The following PCNT variants were observed in gnomAD, a reference collection of about 807,000 sequenced individuals.
PCNT encodes kendrin.
A neutral mutation model predicts 380.4 loss-of-function variants in PCNT; 319 were observed. That is an observed-to-expected ratio of 0.84 (90% confidence interval 0.77 to 0.92). The LOEUF is 0.92. Ranked by LOEUF, PCNT falls within the 40% of genes least tolerant of loss-of-function variation. The pLI, the probability that PCNT is intolerant of heterozygous loss-of-function variation, is 0.00. For missense variants in PCNT, 4,400 were observed against 4,255.3 expected (o/e 1.03, Z -0.95); for synonymous variants, 1,845 against 1,735.2 (o/e 1.06, Z -1.57).
chr21:46,388,741 G>A lies in PCNT; in HGVS notation c.3465-1G>A, dbSNP rs755084205. On this transcript the variant is annotated splice_acceptor_variant, in intron 17 of 46. Coordinates refer to ENST00000359568, the MANE Select transcript of PCNT (RefSeq NM_006031.6). LOFTEE classifies it high-confidence loss of function. The surrounding 1 kb of genome is among the most constrained non-coding windows in gnomAD (Gnocchi z 4.2). The stretch of plus-strand genomic sequence containing the variant: ...CTGATGATGGGTGTCTCCTGTCTCA[G>A]AGGGGCCCTCCAGGACGCCCTGCGC... 9 of 1,613,772 alleles carry A rather than the reference G, an allele frequency of 5.6e-6. No homozygotes were observed. The South Asian group carries it at 9.9e-5, about 18-fold the overall frequency.
At chr21:46,407,905 T>C (rs149379840) in intron 27 of PCNT, among the ~76,000 whole-genome samples, 143 of 152,350 alleles carry the variant, frequency 9.4e-4, no homozygotes, top group Middle Eastern at 3.4e-3. Context: ...TCCTTCTATT[T>C]ACCTTGGGTT....
chr21:46,433,166 G>C (rs2087838820), intron 38 of PCNT, among the ~76,000 whole-genome samples: 1 of 152,090 alleles, frequency 6.6e-6, no homozygotes, highest in Non-Finnish European at 1.5e-5. Flanking sequence ...CAGATCATTT[G>C]AGGTCAGGAG....
intron 15 of PCNT, among the ~76,000 whole-genome samples, chr21:46,372,085 G>A (rs1170547632): frequency 7.1e-5 from 10 of 140,796 alleles, no homozygotes; most frequent in Non-Finnish European, 1.2e-4. Context: ...CAGCACATGC[G>A]CACACATAGC....
chr21:46,436,036 G>A lies in PCNT; in HGVS notation c.8884G>A (p.Gly2962Ser), dbSNP rs542238990. ...CCTAGGTTCTGCCCGCAGGGCTGCCGGCTCGGATGCGGACCACCTCCGGGA... is the reference window on the plus strand; with the variant it reads ...CCTAGGTTCTGCCCGCAGGGCTGCCAGCTCGGATGCGGACCACCTCCGGGA... ...LHLGSARRAA[G>S]SDADHLREQQ... The change falls in exon 39 of 47, where the codon GGC becomes AGC. Residue 2962 changes from glycine to serine, a missense_variant. Coordinates refer to ENST00000359568, the MANE Select transcript of PCNT (RefSeq NM_006031.6). 2.2e-5 allele frequency: 36 copies of A among 1,613,944 alleles called. No individual in the cohort carries two copies. The East Asian group carries it at 6.0e-4, about 27-fold the overall frequency.
At chr21:46,340,244 C>T (rs1048522065) in intron 3 of PCNT, among the ~76,000 whole-genome samples, 9 of 152,150 alleles carry the variant, frequency 5.9e-5, no homozygotes, top group Admixed American at 1.3e-4. Flanking sequence ...GGGAAAGACC[C>T]GCCCCCATGA....
intron 15 of PCNT, among the ~76,000 whole-genome samples, chr21:46,377,794 C>G (rs1270024615): frequency 6.6e-6 from 1 of 152,248 alleles, no homozygotes; most frequent in Admixed American, 6.5e-5. Flanking sequence ...CTGTAGCAAG[C>G]TGACATCGCA....
chr21:46,363,494 A>G lies in PCNT; in HGVS notation c.2169A>G (p.Leu723=), dbSNP rs1601843910. The change falls in exon 14 of 47, where the codon CTA becomes CTG. Residue 723 remains leucine (L), a synonymous_variant. Coordinates refer to ENST00000359568, the MANE Select transcript of PCNT (RefSeq NM_006031.6). ...GTTGTCTGTAGGTAAAACACAATCT[A>G]ATTGAAGACCACCAGAAGGAACTAA... ...KDDLEKVKHN[L]IEDHQKELNN... 6.2e-7 allele frequency: 1 copy of G among 1,612,170 alleles called. No individual in the cohort carries two copies. Among genetic ancestry groups the G allele is most frequent in the Non-Finnish European group, 8.5e-7 (1 of 1,178,364 alleles).
chr21:46,440,089 G>C lies in PCNT; in HGVS notation c.9280G>C (p.Glu3094Gln), dbSNP rs1404639711. ...TGGCTGTGCTTCCTTACAGAGGTCG[G>C]AAAGGTCTGCTTGGAAGCCAGACGA... ...LQKGCSPSRS[E>Q]RSAWKPDETA... is the part of the protein sequence containing the mutation. Residue 3094 changes from glutamate (E) to glutamine (Q), a missense_variant, in exon 42 of 47, where the codon GAA (glutamate) becomes CAA (glutamine). Physicochemically the swap from Glu to Gln is conservative, Grantham distance 29. Coordinates refer to ENST00000359568, the MANE Select transcript of PCNT (RefSeq NM_006031.6). 3 of 1,614,102 alleles carry C rather than the reference G, an allele frequency of 1.9e-6. No homozygotes were observed. The highest frequency in any genetic ancestry group is 2.5e-6 in the Non-Finnish European group (3 of 1,180,026).
At position 46,388,209 on chromosome 21, in the gene PCNT, CAA is replaced by C. The variant is rs1222789518; in HGVS notation, c.3465-521_3465-520del. Among the ~76,000 whole-genome samples the C allele has an allele frequency of 2.9e-5, 4 of 136,354 alleles. No individual in the cohort carries two copies. 89.5% of individuals were successfully genotyped at this position (136,354 alleles called of 152,430 possible). ...TGGGCGACAGAGCGAGACTCCATCT[CAA>C]AAAAAAAAAAAGACAGAAGCATCCC... On this transcript the variant is annotated intron_variant, in intron 17 of 46. Transcript: ENST00000359568. This position sits in a 1 kb window ranked among gnomAD's most constrained non-coding sequence, Gnocchi z 4.2.
chr21:46,381,570 T>C (rs980212571), intron 15 of PCNT, 124 bp from the exon 16 acceptor site: 14 of 873,496 alleles, frequency 1.6e-5, no homozygotes, highest in Non-Finnish European at 2.5e-5. Flanking sequence ...GTCTGGCTCA[T>C]CCCGGCTCTT....
rs773760876 is a variant in PCNT, at chr21:46,394,584, G to T, written c.4217-2681G>T. On this transcript the variant is annotated intron_variant, in intron 21 of 46. Coordinates refer to ENST00000359568, the MANE Select transcript of PCNT (RefSeq NM_006031.6). ...TTTGTGTGTGACGTGCTGTTTGTTT[G>T]CACTGGATTTTGCAAATTATTTACT... 4.2e-6 allele frequency: 4 copies of T among 958,594 alleles called. No individual in the cohort carries two copies. In the East Asian group the frequency reaches 4.6e-4, roughly 110 times the overall value. 59.4% of individuals were successfully genotyped at this position (958,594 alleles called of 1,614,324 possible).
intron 3 of PCNT, among the ~76,000 whole-genome samples, chr21:46,339,295 G>A (rs1178221184): frequency 6.6e-5 from 10 of 152,270 alleles, no homozygotes; most frequent in Non-Finnish European, 2.9e-5. Context: ...CGGTGGTTTC[G>A]CTCTGCCCCT....
Position 46,412,872 on chromosome 21 carries a change from T to C in PCNT, c.6030T>C (p.Asp2010=). 6.2e-7 allele frequency: 1 copy of C among 1,612,802 alleles called. No individual in the cohort carries two copies. The highest frequency in any genetic ancestry group is 1.3e-5 in the African/African-American group (1 of 75,058). The change falls in exon 29 of 47, where the codon GAT becomes GAC. Residue 2010 remains aspartate (D), a synonymous_variant. Transcript: ENST00000359568. ...AGCCTGTCCTGGTGACGTTGAAGGA[T>C]GCACCTCTCTGCAAGCAAGAAGGCG... ...DLQPVLVTLK[D]APLCKQEGVM...
chr21:46,431,686 CTG>C lies in PCNT; in HGVS notation c.8223_8224del (p.Glu2742AlafsTer8), dbSNP rs2087769756. ...CTGGCTCAGGAGCGGAGCCAGCTCT[CTG>C]AGCTCCAGAAGGACCTTGCGGCTGA... On this transcript the variant is annotated frameshift_variant, in exon 38 of 47. Transcript: ENST00000359568. LOFTEE classifies it high-confidence loss of function. 1 of 1,612,810 alleles carries C rather than the reference CTG, an allele frequency of 6.2e-7. No individual in the cohort carries two copies. The highest frequency in any genetic ancestry group is 1.1e-5 in the South Asian group (1 of 91,072).
At chr21:46,438,051 G>A (rs2053509742) in intron 40 of PCNT, 113 bp from the exon 41 acceptor site, 2 of 871,154 alleles carry the variant, frequency 2.3e-6, no homozygotes, top group African/African-American at 3.4e-5. Context: ...GCTTCTCATT[G>A]AACCCCAGAC....
intron 6 of PCNT, among the ~76,000 whole-genome samples, chr21:46,347,866 G>A (rs1422715062): frequency 6.6e-6 from 1 of 152,178 alleles, no homozygotes. Context: ...GGGTGCTGGG[G>A]TGCCGGGGAG....
intron 15 of PCNT, among the ~76,000 whole-genome samples, chr21:46,377,904 C>G (rs1231660292): frequency 8.7e-6 from 1 of 115,336 alleles, no homozygotes; most frequent in East Asian, 2.3e-4. Flanking sequence ...TCCCTTCTCC[C>G]CCATGCCTGG....
intron 43 of PCNT, among the ~76,000 whole-genome samples, chr21:46,441,787 G>T (rs897401099): frequency 6.6e-5 from 10 of 152,024 alleles, no homozygotes; most frequent in African/African-American, 2.4e-4. Flanking sequence ...ACCTCCTGTC[G>T]AGGAGGGGAG....
chr21:46,390,789 C>G lies in PCNT; in HGVS notation c.3960C>G (p.Ser1320Arg), dbSNP rs757468305. The part of the protein sequence containing the change: ...QELLECLKEE[S>R]AAKAELALEL... ...TGCTGGAGTGTTTGAAGGAGGAGAGCGCAGCAAAGGCAGAGCTGGCGCTGG... is the reference window on the plus strand; with the variant it reads ...TGCTGGAGTGTTTGAAGGAGGAGAGGGCAGCAAAGGCAGAGCTGGCGCTGG... The change falls in exon 20 of 47, where the codon AGC (serine) becomes AGG (arginine). Residue 1320 changes from serine (S) to arginine (R), a missense_variant. Physicochemically the swap from Ser to Arg is moderately radical, Grantham distance 110. Transcript: ENST00000359568. 5 of 1,612,016 alleles carry G rather than the reference C, an allele frequency of 3.1e-6. No individual in the cohort carries two copies. The African/African-American group carries it at 6.7e-5, about 22-fold the overall frequency.
Sources: gnomAD v4.1 joint callset for allele counts (sites outside exome capture counted in the v4.1 genomes callset) on GRCh38, gnomAD v4.1.1 for gene constraint, Gnocchi (gnomAD v3.1) non-coding constraint, MANE v1.5 for transcripts, NCBI Gene and HGNC (gene_info 2026-07-23, HGNC 2026-07-21) for gene names.